The following TMEM138 variants were observed in gnomAD, a reference collection of about 807,000 sequenced individuals.
The protein encoded by TMEM138 is transmembrane protein 138.
TMEM138 carries 9 observed loss-of-function variants against 18.1 expected under a neutral mutation model. The ratio of observed to expected loss-of-function variants is 0.50; its 90% confidence interval spans 0.30 to 0.87. TMEM138 has a LOEUF of 0.87. Ranked by LOEUF, TMEM138 falls within the 40% of genes least tolerant of loss-of-function variation. TMEM138 has a pLI of 0.06. For missense variants in TMEM138, 189 were observed against 190.6 expected (o/e 0.99, Z 0.05); for synonymous variants, 79 against 74.8 (o/e 1.06, Z -0.29).
intron 3 of TMEM138, chr11:61,367,455 C>A: frequency 6.5e-6 from 1 of 153,128 alleles, no homozygotes; most frequent in Non-Finnish European, 1.5e-5. Flanking sequence ...AGGAAAGAAG[C>A]AAAGCAACAC....
At chr11:61,365,890 G>C in intron 2 of TMEM138, 155 bp from the exon 3 acceptor site, 1 of 926,756 alleles carries the variant, frequency 1.1e-6, no homozygotes, top group Non-Finnish European at 1.5e-6. Context: ...ATGTCATTCA[G>C]GTCCCAAAAC....
At chr11:61,368,362 A>G (rs1165436146) in intron 4 of TMEM138, 3 of 510,144 alleles carry the variant, frequency 5.9e-6, no homozygotes, top group African/African-American at 3.9e-5. Context: ...AGTAGCTGGG[A>G]CTACAGGCGC....
chr11:61,370,814 G>A (rs965694504), downstream of TMEM138, among the ~76,000 whole-genome samples: 1 of 152,110 alleles, frequency 6.6e-6, no homozygotes, highest in East Asian at 1.9e-4. Flanking sequence ...CATAGGAAAC[G>A]GGAAAGTGTG....
At chr11:61,373,349 G>T (rs374958461), downstream of TMEM138, among the ~76,000 whole-genome samples, 29 of 152,312 alleles carry the variant, frequency 1.9e-4, no homozygotes, top group East Asian at 3.5e-3. Flanking sequence ...CTCTGTGTCA[G>T]ATTAACAAGG....
downstream of TMEM138, among the ~76,000 whole-genome samples, chr11:61,373,840 T>A (rs571012845): frequency 1.3e-4 from 20 of 151,952 alleles, no homozygotes; most frequent in African/African-American, 4.8e-4. Context: ...TTTTTATTTT[T>A]TATTTTTTTT....
downstream of TMEM138, among the ~76,000 whole-genome samples, chr11:61,371,461 C>A (rs975304986): frequency 1.3e-5 from 2 of 152,214 alleles, no homozygotes; most frequent in African/African-American, 4.8e-5. Flanking sequence ...TTGTTCTGTG[C>A]TGGCTTTGAA....
At chr11:61,364,765 C>T (rs550539894) in intron 2 of TMEM138, 82 of 370,582 alleles carry the variant, frequency 2.2e-4, no homozygotes, top group African/African-American at 1.6e-3. Context: ...CATGGTGCCA[C>T]ACACCTGTAA....
downstream of TMEM138, among the ~76,000 whole-genome samples, chr11:61,371,191 C>A (rs991944456): frequency 6.6e-6 from 1 of 152,128 alleles, no homozygotes; most frequent in Non-Finnish European, 1.5e-5. Context: ...CGTGCCGCCA[C>A]GCCCAGCTAA....
intron 4 of TMEM138, 45 bp downstream of exon 4, chr11:61,368,043 G>A (rs750042264): frequency 2.2e-5 from 29 of 1,322,292 alleles, no homozygotes; most frequent in Non-Finnish European, 3.2e-5. Context: ...TCCCACATGT[G>A]TCTCTTTCAG....
downstream of TMEM138, among the ~76,000 whole-genome samples, chr11:61,372,848 C>T (rs1858380828): frequency 6.6e-6 from 1 of 150,664 alleles, no homozygotes; most frequent in Non-Finnish European, 1.5e-5. Flanking sequence ...ATTTCATTAA[C>T]AGTCTGTGTA....
intron 1 of TMEM138, 42 bp from the exon 2 acceptor site, chr11:61,364,210 A>G (rs1420063198): frequency 3.2e-6 from 2 of 617,868 alleles, no homozygotes; most frequent in South Asian, 2.3e-5. Context: ...TGTTTATGGT[A>G]TTAATACATT....
chr11:61,364,889 C>CAAAAAAA (rs1292472815), intron 2 of TMEM138: 1 of 105,856 alleles, frequency 9.4e-6, no homozygotes, highest in Non-Finnish European at 2.0e-5. Flanking sequence ...GACCCTATCT[C>CAAAAAAA]AAAAAAAAAA....
downstream of TMEM138, among the ~76,000 whole-genome samples, chr11:61,373,231 G>C (rs1858388826): frequency 6.6e-6 from 1 of 152,190 alleles, no homozygotes; most frequent in African/African-American, 2.4e-5. Flanking sequence ...GAAAGAGGCG[G>C]ACAGATGAGA....
chr11:61,364,710 C>T, intron 2 of TMEM138, 192 bp downstream of exon 2: 1 of 640,552 alleles, frequency 1.6e-6, no homozygotes. Context: ...GGCAACATAG[C>T]AAGACCCTGT....
At chr11:61,369,675 T>G (rs7948623), downstream of TMEM138, among the ~76,000 whole-genome samples, 1 of 152,166 alleles carries the variant, frequency 6.6e-6, no homozygotes, top group African/African-American at 2.4e-5. Flanking sequence ...GGGCTCACTC[T>G]TGTGTCTGTC....
rs1248927715 is a variant in TMEM138 at position 61,364,396 on chromosome 11, C to T, written c.6C>T (p.Leu2=). The change falls in exon 2 of 5, where the codon CTC becomes CTT. Residue 2 remains leucine (L), a synonymous_variant. Transcript: ENST00000278826. ...CCCGAGAAAACAGAAGGAAGATGCT[C>T]CAGACCAGTAACTACAGCCTGGTGC... M[L]QTSNYSLVLS... The T allele has an allele frequency of 1.2e-6, 2 of 1,613,988 alleles. No individual in the cohort carries two copies. The highest frequency in any genetic ancestry group is 4.5e-5 in the East Asian group (2 of 44,888).
downstream of TMEM138, among the ~76,000 whole-genome samples, chr11:61,371,012 G>GC (rs1241082336): frequency 6.6e-6 from 1 of 152,102 alleles, no homozygotes; most frequent in South Asian, 2.1e-4. Context: ...ACGCAACACC[G>GC]CCCCCCTCTC....
In TMEM138 at chr11:61,364,403, A is replaced by C. The variant is rs1858060748; in HGVS notation, c.13A>C (p.Ser5Arg). 1.2e-6 allele frequency: 2 copies of C among 1,614,182 alleles called. No homozygotes were observed. MLQT[S>R]NYSLVLSLQF... ...AAACAGAAGGAAGATGCTCCAGACC[A>C]GTAACTACAGCCTGGTGCTCTCTCT... Residue 5 changes from serine (S) to arginine (R), a missense_variant, in exon 2 of 5, where the codon AGT becomes CGT. Coordinates refer to ENST00000278826, the MANE Select transcript of TMEM138 (RefSeq NM_016464.5).
downstream of TMEM138, among the ~76,000 whole-genome samples, chr11:61,370,142 C>T (rs1858299476): frequency 6.6e-6 from 1 of 152,146 alleles, no homozygotes; most frequent in African/African-American, 2.4e-5. Context: ...AGGCAAAGCA[C>T]TGGAATTGAC....
Sources: allele counts gnomAD v4.1 joint callset (sites outside exome capture counted in the v4.1 genomes callset), GRCh38; gene constraint gnomAD v4.1.1; transcripts MANE v1.5; gene names NCBI Gene and HGNC (gene_info 2026-07-23, HGNC 2026-07-21).